ARMC12: variants seen among roughly 807,000 people sequenced by gnomAD.
ARMC12 encodes armadillo repeat-containing protein 12.
A neutral mutation model predicts 37.4 loss-of-function variants in ARMC12; 25 were observed. The ratio of observed to expected loss-of-function variants is 0.67; its 90% CI spans 0.49 to 0.93. ARMC12 has a LOEUF of 0.93. Ranked by LOEUF, ARMC12 falls within the 40% of genes least tolerant of loss-of-function variation. The probability of loss-of-function intolerance (pLI) is 0.00; values close to 1 mark genes in which losing one functional copy is unlikely to be tolerated. For missense variants in ARMC12, 384 were observed against 426.6 expected, an observed-to-expected ratio of 0.90 and a Z score of 0.88; for synonymous variants, 167 against 176.1, an observed-to-expected ratio of 0.95 and a Z score of 0.41.
At chr6:35,732,031 C>A in the ARMC12 span, among the ~76,000 whole-genome samples, 5 of 152,172 alleles carry the variant, frequency 3.3e-5, no homozygotes, top group African/African-American at 1.2e-4. Flanking sequence ...ACATCCTGTG[C>A]CCGTCGCCGG....
chr6:35,743,078 TG>T (rs1181915527), intron 3 of ARMC12, among the ~76,000 whole-genome samples: 1 of 151,546 alleles, frequency 6.6e-6, no homozygotes, highest in Non-Finnish European at 1.5e-5. Context: ...TTTTGAGGGG[TG>T]GGGGAAGGGA....
intron 3 of ARMC12, among the ~76,000 whole-genome samples, chr6:35,744,244 C>T (rs965620971): frequency 6.6e-5 from 10 of 151,940 alleles, no homozygotes; most frequent in African/African-American, 1.7e-4. Context: ...CGGGTTCAAG[C>T]GATTCTCCTG....
upstream of ARMC12, among the ~76,000 whole-genome samples, chr6:35,732,245 A>G (rs1156543435): frequency 7.2e-5 from 11 of 152,072 alleles, no homozygotes; most frequent in Admixed American, 2.0e-4. Context: ...AGCTGGGGAG[A>G]TGATCTCGGA....
intron 3 of ARMC12, among the ~76,000 whole-genome samples, chr6:35,742,961 T>C (rs974026318): frequency 1.3e-5 from 2 of 152,232 alleles, no homozygotes; most frequent in African/African-American, 4.8e-5. Flanking sequence ...CCCAGCCACG[T>C]ACAATGCATG....
At chr6:35,736,075 G>A (rs1184702368), upstream of ARMC12, among the ~76,000 whole-genome samples, 4 of 152,312 alleles carry the variant, frequency 2.6e-5, no homozygotes, top group East Asian at 5.8e-4. Flanking sequence ...TGCTGTCATT[G>A]TTCTGCCGCC....
chr6:35,737,305 C>T (rs748769992), intron 1 of ARMC12, 34 bp downstream of exon 1: 2 of 1,614,246 alleles, frequency 1.2e-6, no homozygotes, highest in Admixed American at 1.7e-5. Flanking sequence ...AGGGCTCTGC[C>T]CCAGGAGGCA....
upstream of ARMC12, chr6:35,736,909 C>T (rs898625792): frequency 1.4e-6 from 1 of 734,418 alleles, no homozygotes; most frequent in African/African-American, 1.8e-5. Context: ...GGTGCCTGGC[C>T]CCATCTGTTC....
rs937182156 is a variant in ARMC12 at position 35,747,176 on chromosome 6, A to G, written c.445-85A>G. The G allele has an allele frequency of 1.8e-5, 26 of 1,481,648 alleles. No homozygotes were observed. In the African/African-American group the frequency reaches 3.5e-4, roughly 20 times the overall value. The allele number at this position is 1,481,648 out of a possible 1,614,324, so 91.8% of individuals were successfully genotyped here. A position where few individuals can be genotyped will look rare whatever the true frequency, so the allele number is the denominator to read the frequency against. On this transcript the variant is annotated intron_variant, in intron 3 of 5. Coordinates refer to ENST00000373866, the MANE Select transcript of ARMC12 (RefSeq NM_001286574.2). ...ATTGGGTTTGGCCCAGGGGACATCC[A>G]TGGGGACAGTGAAGAGTAAAGTCAG...
Position 35,738,086 on chromosome 6 carries a change from A to G in ARMC12, c.223A>G (p.Asn75Asp). Residue 75 changes from asparagine to aspartate, a missense_variant, in exon 2 of 6, where the codon AAC becomes GAC. Physicochemically the swap from Asn to Asp is conservative, Grantham distance 23 (BLOSUM62 1). Coordinates refer to ENST00000373866, the MANE Select transcript of ARMC12 (RefSeq NM_001286574.2). ...RDSGELRRLL[N>D]SLECKQDEYA... is the part of the protein sequence containing the mutation. ...CTCAGGTGAGCTCCGGAGGCTCCTC[A>G]ACTCTTTGGAGTGCAAACAGGATGA... is the stretch of plus-strand genomic sequence containing the variant. 6.2e-7 allele frequency: 1 copy of G among 1,614,034 alleles called. No homozygotes were observed.
At chr6:35,744,727 C>T (rs544697891) in intron 3 of ARMC12, among the ~76,000 whole-genome samples, 2 of 152,148 alleles carry the variant, frequency 1.3e-5, no homozygotes, top group South Asian at 2.1e-4. Flanking sequence ...TGCACTCCAG[C>T]GTGGGCAACA....
chr6:35,741,118 CT>C (rs559174697), intron 3 of ARMC12, among the ~76,000 whole-genome samples: 444 of 152,220 alleles, frequency 2.9e-3, no homozygotes, highest in Middle Eastern at 0.01. Context: ...ATTCTCCCCC[CT>C]GGGTCTCTTT....
At position 35,737,237 on chromosome 6, in the gene ARMC12, A is replaced by G; in HGVS notation, c.129A>G (p.Pro43=). ...TCAAGGCTGGCATAAAATGCAAACCACCCCTCTGTAGCAACTCACCCATCT... is the reference window on the plus strand; with the variant it reads ...TCAAGGCTGGCATAAAATGCAAACCGCCCCTCTGTAGCAACTCACCCATCT... ...KAIKAGIKCK[P]PLCSNSPICI... is the part of the protein sequence containing the mutation. The change falls in exon 1 of 6, where the codon CCA becomes CCG. Residue 43 remains proline, a synonymous_variant. Transcript: ENST00000373866. 7.4e-6 allele frequency: 12 copies of G among 1,614,036 alleles called. No homozygotes were observed. The highest frequency in any genetic ancestry group is 1.0e-5 in the Non-Finnish European group (12 of 1,179,996).
At chr6:35,737,338 TGGGA>T in intron 1 of ARMC12, 67 bp downstream of exon 1, 1 of 1,614,190 alleles carries the variant, frequency 6.2e-7, no homozygotes, top group Non-Finnish European at 8.5e-7. Flanking sequence ...GCCTCTGCTG[TGGGA>T]GGGCCCAAAG....
intron 3 of ARMC12, 77 bp from the exon 4 acceptor site, chr6:35,747,184 A>G: frequency 6.6e-7 from 1 of 1,510,212 alleles, no homozygotes; most frequent in Admixed American, 1.8e-5. Context: ...CCATGGGGAC[A>G]GTGAAGAGTA....
At position 35,747,322 on chromosome 6, in the gene ARMC12, C is replaced by T; in HGVS notation, c.506C>T (p.Ala169Val). The change falls in exon 4 of 6, where the codon GCG becomes GTG. Residue 169 changes from alanine to valine, a missense_variant. Physicochemically the swap from Ala to Val is moderately conservative, Grantham distance 64. Transcript: ENST00000373866. ...ATCTGGGACACGGAACTGCACATTG[C>T]GGGCCTCAGACTCCTCAACAACCTT... ...STIWDTELHIAGLRLLNNLPL... is the reference protein window; with the variant it reads ...STIWDTELHIVGLRLLNNLPL... 4 of 1,613,886 alleles carry T rather than the reference C, an allele frequency of 2.5e-6. No individual in the cohort carries two copies. Among genetic ancestry groups the T allele is most frequent in the East Asian group, 2.2e-5 (1 of 44,882 alleles).
Position 35,748,473 on chromosome 6 carries a change from C to A in ARMC12, c.691-65C>A, listed in dbSNP as rs73729780. 8.3e-4 allele frequency: 1,119 copies of A among 1,342,650 alleles called. 4 individuals are homozygous for A. The African/African-American group carries it at 0.016, about 19-fold the overall frequency. 83.2% of individuals were successfully genotyped at this position (1,342,650 alleles called of 1,614,324 possible). A position where few individuals can be genotyped will look rare whatever the true frequency, so the allele number is the denominator to read the frequency against. On this transcript the variant is annotated intron_variant, in intron 5 of 5. Coordinates refer to ENST00000373866, the MANE Select transcript of ARMC12 (RefSeq NM_001286574.2). ...TGGGAGTTTAGGCAATAGGAATATA[C>A]AAGAACAAGAATTTTGTAACTTGCC...
At chr6:35,746,451 A>C (rs1361774917) in intron 3 of ARMC12, among the ~76,000 whole-genome samples, 10 of 152,138 alleles carry the variant, frequency 6.6e-5, no homozygotes, top group Admixed American at 6.5e-4. Flanking sequence ...CACTGTAAGG[A>C]CTTTAGCTTT....
rs142225292 is a variant in ARMC12 at position 35,748,623 on chromosome 6, G to A, written c.776G>A (p.Ser259Asn). ...GTACTGGTGTTTGCTGAGCGGCTGA[G>A]TGAGGGCCGGAACGCACCCCACTAC... ...YEVLVFAERL[S>N]EGRNAPHYHV... The change falls in exon 6 of 6, where the codon AGT becomes AAT. Residue 259 changes from serine to asparagine, a missense_variant. By Grantham distance (46) the Ser-to-Asn change is conservative. Coordinates refer to ENST00000373866, the MANE Select transcript of ARMC12 (RefSeq NM_001286574.2). 58 of 1,609,436 alleles carry A rather than the reference G, an allele frequency of 3.6e-5. No homozygotes were observed. Among genetic ancestry groups the A allele is most frequent in the Non-Finnish European group, 4.8e-5 (56 of 1,177,240 alleles).
At chr6:35,747,973 A>C (rs1304147559) in intron 5 of ARMC12, among the ~76,000 whole-genome samples, 1 of 152,064 alleles carries the variant, frequency 6.6e-6, no homozygotes, top group Non-Finnish European at 1.5e-5. Context: ...AGAAAAGGTT[A>C]CTCTGTGATA....
Sources: allele counts gnomAD v4.1 joint callset (sites outside exome capture counted in the v4.1 genomes callset), GRCh38; gene constraint gnomAD v4.1.1; transcripts MANE v1.5; gene names NCBI Gene and HGNC (gene_info 2026-07-23, HGNC 2026-07-21).